Variants in MIER1 observed in about 807,000 individuals in gnomAD.
MIER1 encodes the protein mesoderm induction early response protein 1.
Under a neutral mutation model 75.7 loss-of-function variants are expected in MIER1, and 40 were observed. The ratio of observed to expected loss-of-function variants is 0.53; its 90% CI spans 0.41 to 0.69. MIER1 has a LOEUF of 0.69. Ranked by LOEUF, MIER1 falls within the 30% of genes least tolerant of loss-of-function variation. The pLI is 0.00. For missense variants in MIER1, 574 were observed against 680.2 expected (o/e 0.84, Z 1.74); for synonymous variants, 213 against 223.4 (o/e 0.95, Z 0.42).
rs560758289 is a variant in MIER1 at position 66,940,051 on chromosome 1, A to G, written c.192A>G (p.Pro64=). The G allele has an allele frequency of 5.0e-6, 8 of 1,604,194 alleles. No homozygotes were observed. The highest frequency in any genetic ancestry group is 1.1e-5 in the South Asian group (1 of 90,574). ...AGCCATCTGTTGAATCTTCAAGTCC[A>G]GGTAAGTATTTTCCATATTTTTTAT... ...VMLPSVESSS[P]GGSATSDDHE... The change falls in exon 3 of 14, where the codon CCA becomes CCG. Residue 64 remains proline, a splice_region_variant and synonymous_variant. Coordinates refer to ENST00000401041, the MANE Select transcript of MIER1 (RefSeq NM_001077700.3).
intron 9 of MIER1, 95 bp downstream of exon 9, chr1:66,971,054 T>C (rs1221110860): frequency 3.5e-6 from 4 of 1,146,286 alleles, no homozygotes; most frequent in South Asian, 1.7e-5. Context: ...CACCAAACTT[T>C]TTATAACATT....
At chr1:66,976,845 G>A (rs995187141) in intron 12 of MIER1, 123 bp downstream of exon 12, 23 of 771,848 alleles carry the variant, frequency 3.0e-5, no homozygotes, top group South Asian at 2.2e-4. Flanking sequence ...CCAGAAGGCC[G>A]AGAGTGATAA....
chr1:66,943,683 G>T (rs1656789655), intron 3 of MIER1, among the ~76,000 whole-genome samples: 1 of 152,052 alleles, frequency 6.6e-6, no homozygotes, highest in Non-Finnish European at 1.5e-5. Flanking sequence ...GCCTCCTAAA[G>T]TGCTGGGATT....
intron 2 of MIER1, chr1:66,929,109 G>A (rs1301685157): frequency 1.5e-6 from 1 of 663,830 alleles, no homozygotes; most frequent in East Asian, 2.7e-5. Context: ...AATTTTAAGG[G>A]AATATAAATA....
intron 2 of MIER1, 30 bp downstream of exon 2, chr1:66,926,272 G>T (rs762318844): frequency 6.6e-7 from 1 of 1,508,784 alleles, no homozygotes; most frequent in Non-Finnish European, 9.2e-7. Context: ...GAGATTAAGG[G>T]AGGGAAAATC....
At chr1:66,949,261 AG>A (rs1658373022) in intron 4 of MIER1, among the ~76,000 whole-genome samples, 4 of 149,988 alleles carry the variant, frequency 2.7e-5, no homozygotes, top group Non-Finnish European at 5.9e-5. Context: ...GTTATGAGTT[AG>A]TTATTTTTTT....
chr1:66,946,829 T>G, intron 4 of MIER1: 1 of 985,138 alleles, frequency 1.0e-6, no homozygotes, highest in Non-Finnish European at 1.2e-6. Context: ...CTCAGCAGTA[T>G]TCAATATAGT....
chr1:66,955,488 G>A (rs1311289887), intron 4 of MIER1, among the ~76,000 whole-genome samples: 4 of 151,966 alleles, frequency 2.6e-5, no homozygotes, highest in Non-Finnish European at 4.4e-5. Flanking sequence ...ACCAATCGTA[G>A]AGAGCCTGAG....
intron 13 of MIER1, among the ~76,000 whole-genome samples, chr1:66,983,449 G>C (rs1181652068): frequency 6.6e-6 from 1 of 151,876 alleles, no homozygotes; most frequent in East Asian, 1.9e-4. Flanking sequence ...CAATTAAATT[G>C]TAATTATTCA....
chr1:66,926,475 G>T (rs1651811547), intron 2 of MIER1, among the ~76,000 whole-genome samples: 1 of 152,092 alleles, frequency 6.6e-6, no homozygotes, highest in Non-Finnish European at 1.5e-5. Context: ...ATTATGAAAA[G>T]AAAATCCAAA....
chr1:66,972,957 A>C lies in MIER1; in HGVS notation c.1067A>C (p.Tyr356Ser). The change falls in exon 11 of 14, where the codon TAT becomes TCT. Residue 356 changes from tyrosine to serine, a missense_variant. By Grantham distance (144) the Tyr-to-Ser change is moderately radical. Around this residue, in one of 3 missense-constraint regions of MIER1, gnomAD observed 101 missense variants for 173.1 expected, o/e 0.58. Coordinates refer to ENST00000401041, the MANE Select transcript of MIER1 (RefSeq NM_001077700.3). ...AATTTTGAACAAGGGCTGAAGGCCTATGGAAAGGATTTTCATTTGATTCAG... is the reference window on the plus strand; with the variant it reads ...AATTTTGAACAAGGGCTGAAGGCCTCTGGAAAGGATTTTCATTTGATTCAG... The part of the protein sequence containing the change: ...CRNFEQGLKA[Y>S]GKDFHLIQAN... 1 of 1,608,008 alleles carries C rather than the reference A, an allele frequency of 6.2e-7. No homozygotes were observed. Among genetic ancestry groups the C allele is most frequent in the Non-Finnish European group, 8.5e-7 (1 of 1,174,824 alleles).
At chr1:66,944,156 C>G (rs1234773262) in intron 3 of MIER1, among the ~76,000 whole-genome samples, 3 of 152,010 alleles carry the variant, frequency 2.0e-5, no homozygotes, top group Non-Finnish European at 4.4e-5. Context: ...CTGAAGAACC[C>G]TAAGCTTTGG....
Position 66,947,960 on chromosome 1 carries a change from C to T in MIER1, c.339+1665C>T, listed in dbSNP as rs1056599450. 4.1e-6 allele frequency: 4 copies of T among 985,256 alleles called. No homozygotes were observed. In the African/African-American group the frequency reaches 7.0e-5, roughly 17 times the overall value. 61.0% of individuals were successfully genotyped at this position (985,256 alleles called of 1,614,324 possible). ...CGGTGTTGCCTCCTCAGAATAGCAG[C>T]CTTTCCTGTCCCCTAATTAGGTTTT... On this transcript the variant is annotated intron_variant, in intron 4 of 13. Transcript: ENST00000401041.
At chr1:66,952,090 C>G (rs1392556040) in intron 4 of MIER1, among the ~76,000 whole-genome samples, 9 of 152,204 alleles carry the variant, frequency 5.9e-5, no homozygotes, top group Non-Finnish European at 8.8e-5. Context: ...TAATGTCATT[C>G]ATAAGATTCT....
chr1:66,955,173 T>C (rs957506962), intron 4 of MIER1, among the ~76,000 whole-genome samples: 2 of 152,110 alleles, frequency 1.3e-5, no homozygotes, highest in South Asian at 2.1e-4. Context: ...TTGACAAATA[T>C]TTGAGCTGGA....
At chr1:66,956,522 C>T (rs1381471124) in intron 4 of MIER1, among the ~76,000 whole-genome samples, 3 of 152,166 alleles carry the variant, frequency 2.0e-5, no homozygotes, top group African/African-American at 4.8e-5. Context: ...TCCCAAATAC[C>T]AATGTCCTGT....
chr1:66,967,771 G>T (rs1558089626), intron 8 of MIER1, among the ~76,000 whole-genome samples: 2 of 151,890 alleles, frequency 1.3e-5, no homozygotes, highest in African/African-American at 2.4e-5. Context: ...TCTTAAATGG[G>T]ATTAGTCTTT....
At chr1:66,949,001 G>A (rs977082241) in intron 4 of MIER1, among the ~76,000 whole-genome samples, 2 of 152,134 alleles carry the variant, frequency 1.3e-5, no homozygotes, top group South Asian at 2.1e-4. Flanking sequence ...GCTGGGAAGC[G>A]ATTCAAAAAC....
chr1:66,942,030 A>G (rs1313287770), intron 3 of MIER1, among the ~76,000 whole-genome samples: 1 of 151,532 alleles, frequency 6.6e-6, no homozygotes, highest in Admixed American at 6.6e-5. Context: ...CTTAACAGAT[A>G]GAATGTTTAT....
Sources: gnomAD v4.1 joint callset for allele counts (sites outside exome capture counted in the v4.1 genomes callset) on GRCh38, gnomAD v4.1.1 for gene constraint, gnomAD v4.1.1 regional missense constraint, MANE v1.5 for transcripts, NCBI Gene and HGNC (gene_info 2026-07-23, HGNC 2026-07-21) for gene names.